PLCL2: variants seen among roughly 807,000 people sequenced by gnomAD.
PLCL2 encodes phospholipase C like 2.
PLCL2 carries 4 observed loss-of-function variants against 79.6 expected under a neutral mutation model. The observed-to-expected ratio is 0.05, with a 90% CI of 0.02 to 0.11. The LOEUF is 0.11. Among genes scored for constraint, PLCL2 ranks in the 10% least tolerant of loss-of-function variants. The pLI, the probability that PLCL2 is intolerant of heterozygous loss-of-function variation, is 1.00. For missense variants in PLCL2, 895 were observed against 1,291.0 expected, an observed-to-expected ratio of 0.69 and a Z score of 4.70; for synonymous variants, 484 against 457.7, an observed-to-expected ratio of 1.06 and a Z score of -0.73.
chr3:16,969,294 T>C (rs2063835238), intron 1 of PLCL2, among the ~76,000 whole-genome samples: 1 of 152,126 alleles, frequency 6.6e-6, no homozygotes, highest in African/African-American at 2.4e-5. Flanking sequence ...CCTCAGTTTT[T>C]TGTAATAGTT....
Position 17,067,270 on chromosome 3 carries a change from G to A in PLCL2, c.3095-686G>A, listed in dbSNP as rs146942324. Among the ~76,000 whole-genome samples, 984 of 152,114 alleles carry A rather than the reference G, an allele frequency of 6.5e-3. 2 individuals carry two copies. Among genetic ancestry groups the A allele is most frequent in the Non-Finnish European group, 0.011 (756 of 68,000 alleles). ...TATTAGAGTTATATTGGTGTGATTA[G>A]GAATTAAGATTTTCCACCTAATGGA... On this transcript the variant is annotated intron_variant, in intron 4 of 5. Coordinates refer to ENST00000615277, the MANE Select transcript of PLCL2 (RefSeq NM_001144382.2).
chr3:17,066,727 T>C (rs1022970956), intron 4 of PLCL2, among the ~76,000 whole-genome samples: 10 of 152,106 alleles, frequency 6.6e-5, no homozygotes, highest in African/African-American at 2.4e-4. Context: ...CTCTATACAC[T>C]GACATGGAGT....
chr3:17,073,126 A>G (rs1271529077), intron 5 of PLCL2, among the ~76,000 whole-genome samples: 1 of 152,218 alleles, frequency 6.6e-6, no homozygotes, highest in Non-Finnish European at 1.5e-5. Context: ...AATGTTTGTA[A>G]AATAAAATTC....
chr3:16,914,881 C>T (rs1306844890), intron 1 of PLCL2, among the ~76,000 whole-genome samples: 1 of 151,992 alleles, frequency 6.6e-6, no homozygotes, highest in African/African-American at 2.4e-5. Flanking sequence ...CAGTCAAATG[C>T]CACAATGTCC....
intron 1 of PLCL2, among the ~76,000 whole-genome samples, chr3:16,906,464 A>G (rs1037269023): frequency 1.3e-5 from 2 of 152,144 alleles, no homozygotes; most frequent in Non-Finnish European, 2.9e-5. Flanking sequence ...TTTGATATAG[A>G]TTTCTTGTAT....
rs1440360458 is a variant in PLCL2, at chr3:17,089,919, T to G, written c.*7T>G. 7.4e-6 allele frequency: 12 copies of G among 1,611,176 alleles called. No individual in the cohort carries two copies. The highest frequency in any genetic ancestry group is 9.3e-6 in the Non-Finnish European group (11 of 1,179,068). On this transcript the variant is annotated 3_prime_UTR_variant, in exon 6 of 6. Transcript: ENST00000615277. ...CGATGAAACTGGAGAATGAGGAAAC[T>G]TACAATAAACCATTATGGAGTTTAT...
At position 16,906,063 on chromosome 3, in the gene PLCL2, A is replaced by AT. The variant is rs575159600; in HGVS notation, c.327+20698dup. 9.7e-4 allele frequency among the ~76,000 whole-genome samples: 147 copies of AT among 152,206 alleles called. 1 individual carries two copies. The highest frequency in any genetic ancestry group is 2.2e-3 in the Admixed American group (34 of 15,300). ...TTTTCCTTTGTAGGCTCCTTCCTCC[A>AT]TAAAAAAAAAAAATTGAAAATTATA... On this transcript the variant is annotated intron_variant, in intron 1 of 5. Coordinates refer to ENST00000615277, the MANE Select transcript of PLCL2 (RefSeq NM_001144382.2).
intron 3 of PLCL2, among the ~76,000 whole-genome samples, chr3:17,024,179 C>G (rs1323600423): frequency 6.6e-6 from 1 of 152,184 alleles, no homozygotes; most frequent in Non-Finnish European, 1.5e-5. Flanking sequence ...CCAAATTGCT[C>G]TGTTACCTTG....
intron 1 of PLCL2, among the ~76,000 whole-genome samples, chr3:16,991,442 C>T (rs922408284): frequency 6.6e-6 from 1 of 152,162 alleles, no homozygotes; most frequent in East Asian, 1.9e-4. Context: ...GTGCTGTGAG[C>T]TACTGTGGAT....
chr3:16,918,371 A>G (rs1234991350), intron 1 of PLCL2, among the ~76,000 whole-genome samples: 1 of 152,194 alleles, frequency 6.6e-6, no homozygotes, highest in African/African-American at 2.4e-5. Flanking sequence ...TAATCACAAA[A>G]TTCAATTTGT....
intron 1 of PLCL2, among the ~76,000 whole-genome samples, chr3:16,939,276 T>C (rs1013939212): frequency 6.6e-6 from 1 of 152,246 alleles, no homozygotes; most frequent in Non-Finnish European, 1.5e-5. Context: ...TCTATTGATA[T>C]AGAAACAAAT....
chr3:17,058,111 A>G (rs775685192), intron 4 of PLCL2, among the ~76,000 whole-genome samples: 10 of 152,168 alleles, frequency 6.6e-5, no homozygotes, highest in Non-Finnish European at 1.3e-4. Context: ...CTGTGGGGAT[A>G]GTTGAACCAG....
chr3:16,962,436 C>T (rs1550519), intron 1 of PLCL2, among the ~76,000 whole-genome samples: 52,571 of 148,360 alleles, frequency 0.35, 9,621 homozygotes, highest in African/African-American at 0.4. Context: ...TTTTTTTTTT[C>T]CCCAAGGACC....
intron 1 of PLCL2, among the ~76,000 whole-genome samples, chr3:16,968,465 C>T (rs1399834141): frequency 1.3e-5 from 2 of 152,010 alleles, no homozygotes; most frequent in African/African-American, 4.8e-5. Context: ...TTTTGGAATT[C>T]TCATTGTAGA....
At chr3:16,991,193 G>A (rs1433837128) in intron 1 of PLCL2, among the ~76,000 whole-genome samples, 2 of 152,170 alleles carry the variant, frequency 1.3e-5, no homozygotes, top group African/African-American at 2.4e-5. Flanking sequence ...TGTGGCTACC[G>A]AACAGAGCAG....
intron 1 of PLCL2, among the ~76,000 whole-genome samples, chr3:16,903,299 G>A (rs1696672144): frequency 6.6e-6 from 1 of 152,116 alleles, no homozygotes; most frequent in Admixed American, 6.5e-5. Context: ...TTATGCCAAA[G>A]ATGTTACTAA....
At chr3:17,087,843 T>C (rs1164701638) in intron 5 of PLCL2, among the ~76,000 whole-genome samples, 1 of 152,188 alleles carries the variant, frequency 6.6e-6, no homozygotes, top group Non-Finnish European at 1.5e-5. Context: ...AAATAATATT[T>C]GGAGTTTTAA....
intron 1 of PLCL2, among the ~76,000 whole-genome samples, chr3:16,927,950 CTTAT>C (rs1697296337): frequency 6.6e-6 from 1 of 152,234 alleles, no homozygotes; most frequent in Non-Finnish European, 1.5e-5. Flanking sequence ...CATGTTTCAG[CTTAT>C]TTGACAGCAG....
intron 1 of PLCL2, among the ~76,000 whole-genome samples, chr3:16,980,029 C>T (rs558973510): frequency 1.4e-5 from 2 of 145,368 alleles, no homozygotes; most frequent in African/African-American, 2.6e-5. Flanking sequence ...TCCTCACTTC[C>T]CAGTAGGGGC....
Sources: allele counts gnomAD v4.1 joint callset (sites outside exome capture counted in the v4.1 genomes callset), GRCh38; gene constraint gnomAD v4.1.1; transcripts MANE v1.5; gene names NCBI Gene and HGNC (gene_info 2026-07-23, HGNC 2026-07-21).